CRY1: variants seen among roughly 807,000 people sequenced by gnomAD.
CRY1 encodes the protein cryptochrome-1.
A neutral mutation model predicts 76.0 loss-of-function variants in CRY1; 45 were observed. The ratio of observed to expected loss-of-function variants is 0.59; its 90% confidence interval spans 0.47 to 0.76. The LOEUF (loss-of-function observed/expected upper bound fraction) is 0.76. Among genes scored for constraint, CRY1 ranks in the 30% least tolerant of loss-of-function variants. The pLI is 0.00. For synonymous variants in CRY1, 248 were observed against 244.0 expected (o/e 1.02, Z -0.15); for missense variants, 587 against 716.4 (o/e 0.82, Z 2.06).
At chr12:107,040,887 T>C (rs780691552) in intron 1 of CRY1, among the ~76,000 whole-genome samples, 1 of 151,506 alleles carries the variant, frequency 6.6e-6, no homozygotes, top group Non-Finnish European at 1.5e-5. Context: ...GTGAGACATA[T>C]CTCTTGACTT....
rs1953498530 is a variant in CRY1, at chr12:107,093,255, G to C, written c.-294C>G. 2.9e-6 allele frequency: 1 copy of C among 345,518 alleles called. No homozygotes were observed. The highest frequency in any genetic ancestry group is 4.4e-5 in the Admixed American group (1 of 22,946). 21.4% of individuals were successfully genotyped at this position (345,518 alleles called of 1,614,324 possible). On this transcript the variant is annotated 5_prime_UTR_variant, in exon 1 of 13. Coordinates refer to ENST00000008527, the MANE Select transcript of CRY1 (RefSeq NM_004075.5). ...GCGACGCATAACTTCGAGGGCCTCG[G>C]ACCTCCGGAGCCTGAGCAAGTTCCA...
intron 1 of CRY1, among the ~76,000 whole-genome samples, chr12:107,070,729 C>T (rs986770571): frequency 1.3e-5 from 2 of 150,426 alleles, no homozygotes; most frequent in South Asian, 4.2e-4. Context: ...GAGATGGAGT[C>T]TCACTCTGTC....
At chr12:107,008,135 A>G (rs1010445100) in intron 2 of CRY1, among the ~76,000 whole-genome samples, 10 of 152,182 alleles carry the variant, frequency 6.6e-5, no homozygotes, top group Non-Finnish European at 1.5e-4. Flanking sequence ...AGAAGAGGAG[A>G]ATATAACGTG....
chr12:107,021,703 T>C (rs1447184758), intron 2 of CRY1, among the ~76,000 whole-genome samples: 1 of 151,310 alleles, frequency 6.6e-6, no homozygotes, highest in African/African-American at 2.4e-5. Context: ...TGTATACACA[T>C]ATATATATAC....
intron 1 of CRY1, among the ~76,000 whole-genome samples, chr12:107,068,796 A>G (rs937434917): frequency 3.9e-5 from 6 of 152,254 alleles, no homozygotes; most frequent in African/African-American, 1.4e-4. Flanking sequence ...TTCTGTTTCT[A>G]TGAATTCACC....
intron 1 of CRY1, among the ~76,000 whole-genome samples, chr12:107,052,037 T>C (rs1952927835): frequency 6.6e-6 from 1 of 152,202 alleles, no homozygotes; most frequent in South Asian, 2.1e-4. Context: ...AAAATTATTC[T>C]GATTTTTCTG....
chr12:107,031,699 C>CA (rs977446170), intron 1 of CRY1, among the ~76,000 whole-genome samples: 5 of 151,566 alleles, frequency 3.3e-5, no homozygotes, highest in South Asian at 2.1e-4. Flanking sequence ...GTTTAATTAT[C>CA]AAAAAAAATC....
At chr12:107,087,603 T>C (rs1389562294) in intron 1 of CRY1, among the ~76,000 whole-genome samples, 1 of 152,282 alleles carries the variant, frequency 6.6e-6, no homozygotes, top group African/African-American at 2.4e-5. Context: ...TCCACCATTG[T>C]ATCTTAAAAG....
intron 1 of CRY1, among the ~76,000 whole-genome samples, chr12:107,070,107 A>C (rs553539661): frequency 1.3e-5 from 2 of 152,322 alleles, no homozygotes; most frequent in African/African-American, 4.8e-5. Flanking sequence ...GGGCTAACCT[A>C]TGTCCCAGCA....
intron 1 of CRY1, among the ~76,000 whole-genome samples, chr12:107,031,549 A>G (rs543427538): frequency 6.6e-6 from 1 of 152,226 alleles, no homozygotes; most frequent in Admixed American, 6.5e-5. Context: ...AATACTGACA[A>G]GTACTACCTT....
At chr12:107,050,313 C>T (rs563407030) in intron 1 of CRY1, 5 of 152,218 alleles carry the variant, frequency 3.3e-5, no homozygotes, top group South Asian at 2.1e-4. Context: ...ATGATTTGGA[C>T]ATTGTGTCCC....
chr12:107,037,883 A>AT (rs1555199950), intron 1 of CRY1, among the ~76,000 whole-genome samples: 1 of 151,834 alleles, frequency 6.6e-6, no homozygotes, highest in Non-Finnish European at 1.5e-5. Context: ...TAACTTTTTA[A>AT]TTTTTTGTAG....
At chr12:107,006,638 C>CGTTTTTTTTTTTTT (rs71076707) in intron 2 of CRY1, among the ~76,000 whole-genome samples, 3 of 137,108 alleles carry the variant, frequency 2.2e-5, no homozygotes. Context: ...TATTAGTAAT[C>CGTTTTTTTTTTTTT]TTTTTTTTTT....
intron 1 of CRY1, among the ~76,000 whole-genome samples, chr12:107,051,675 C>T (rs973052258): frequency 6.6e-6 from 1 of 152,090 alleles, no homozygotes; most frequent in Non-Finnish European, 1.5e-5. Context: ...TAGCATTTCA[C>T]TTTGTGACAG....
At chr12:107,049,748 C>T (rs548846765) in intron 1 of CRY1, 1 of 152,208 alleles carries the variant, frequency 6.6e-6, no homozygotes, top group African/African-American at 2.4e-5. Flanking sequence ...CTCAGCTTTC[C>T]TATGTATTTT....
At chr12:107,003,553 G>A (rs1952335986) in intron 3 of CRY1, among the ~76,000 whole-genome samples, 1 of 152,146 alleles carries the variant, frequency 6.6e-6, no homozygotes, top group Admixed American at 6.6e-5. Flanking sequence ...CATACAGAAA[G>A]TAATACAGAA....
At chr12:107,029,047 G>T (rs1952647906) in intron 1 of CRY1, among the ~76,000 whole-genome samples, 3 of 152,146 alleles carry the variant, frequency 2.0e-5, no homozygotes. Context: ...TGAAATTTAT[G>T]TGTAACTCAG....
At chr12:107,010,614 C>T (rs1240260551) in intron 2 of CRY1, among the ~76,000 whole-genome samples, 1 of 151,980 alleles carries the variant, frequency 6.6e-6, no homozygotes, top group African/African-American at 2.4e-5. Context: ...GTGATCTCTT[C>T]TCTTTTTTTT....
intron 1 of CRY1, among the ~76,000 whole-genome samples, chr12:107,072,016 T>C (rs1196938142): frequency 2.0e-5 from 3 of 152,104 alleles, no homozygotes; most frequent in Non-Finnish European, 4.4e-5. Flanking sequence ...AAAAAAAGCA[T>C]TGGAAGAATA....
Sources: allele counts gnomAD v4.1 joint callset (sites outside exome capture counted in the v4.1 genomes callset), GRCh38; gene constraint gnomAD v4.1.1; transcripts MANE v1.5; gene names NCBI Gene and HGNC (gene_info 2026-07-23, HGNC 2026-07-21).